The following SLC15A1 variants were observed in gnomAD, a reference collection of about 807,000 sequenced individuals.
SLC15A1 encodes the protein solute carrier family 15 member 1.
Under a neutral mutation model 92.9 loss-of-function variants are expected in SLC15A1, and 83 were observed. The ratio of observed to expected loss-of-function variants is 0.89; its 90% confidence interval spans 0.75 to 1.07. SLC15A1 has a LOEUF of 1.07. SLC15A1 is among the 50% of genes least tolerant of loss of function. The probability of loss-of-function intolerance (pLI) is 0.00; values close to 1 mark genes in which losing one functional copy is unlikely to be tolerated. For synonymous variants in SLC15A1, 322 were observed against 318.2 expected, an observed-to-expected ratio of 1.01 and a Z score of -0.13; for missense variants, 857 against 880.1, an observed-to-expected ratio of 0.97 and a Z score of 0.33.
intron 18 of SLC15A1, among the ~76,000 whole-genome samples, chr13:98,691,507 C>T (rs1302556984): frequency 6.6e-6 from 1 of 152,198 alleles, no homozygotes; most frequent in Non-Finnish European, 1.5e-5. Flanking sequence ...TGGGTGACAC[C>T]TCACATGTCA....
chr13:98,706,571 C>G (rs563297770), intron 15 of SLC15A1, among the ~76,000 whole-genome samples: 1 of 152,214 alleles, frequency 6.6e-6, no homozygotes, highest in South Asian at 2.1e-4. Flanking sequence ...TTCCCCCGTA[C>G]TGTTCTTGTG....
intron 2 of SLC15A1, 181 bp downstream of exon 2, chr13:98,726,662 T>C: frequency 1.3e-6 from 1 of 747,578 alleles, no homozygotes; most frequent in Non-Finnish European, 2.3e-6. Flanking sequence ...GTGGTATTGT[T>C]AGTCTGAGGA....
chr13:98,737,291 A>T (rs9584924), intron 1 of SLC15A1, among the ~76,000 whole-genome samples: 7,613 of 152,226 alleles, frequency 0.05, 222 homozygotes, highest in African/African-American at 0.059. Context: ...GGAATTGAAC[A>T]ATGAGAACAC....
intron 6 of SLC15A1, 99 bp from the exon 7 acceptor site, chr13:98,721,684 T>C (rs2088259632): frequency 1.6e-6 from 2 of 1,286,994 alleles, no homozygotes; most frequent in African/African-American, 3.0e-5. Flanking sequence ...TTTTGGTTGG[T>C]ATCTTACTTT....
At position 98,687,435 on chromosome 13, in the gene SLC15A1, T is replaced by C. The variant is rs1004644840; in HGVS notation, c.1827+146A>G. On this transcript the variant is annotated intron_variant, in intron 21 of 22. Coordinates refer to ENST00000376503, the MANE Select transcript of SLC15A1 (RefSeq NM_005073.4). The stretch of plus-strand genomic sequence containing the variant: ...TCACTAAGGACAACACTTGGTGACC[T>C]CAGAGACCTTGCTGTAGGGAAGATA... 22 of 940,676 alleles carry C rather than the reference T, an allele frequency of 2.3e-5. No individual in the cohort carries two copies. The African/African-American group carries it at 3.6e-4, about 16-fold the overall frequency. 58.3% of individuals were successfully genotyped at this position (940,676 alleles called of 1,614,324 possible).
intron 1 of SLC15A1, among the ~76,000 whole-genome samples, chr13:98,740,109 A>G (rs1422132476): frequency 1.3e-5 from 2 of 152,228 alleles, no homozygotes. Flanking sequence ...AATACAAGCC[A>G]TCATGACAAG....
intron 1 of SLC15A1, among the ~76,000 whole-genome samples, chr13:98,741,764 A>G (rs1402863038): frequency 1.3e-5 from 2 of 150,586 alleles, no homozygotes; most frequent in African/African-American, 4.9e-5. Flanking sequence ...TTCCACGGCT[A>G]CTTTCTTCCC....
At chr13:98,721,315 C>A in intron 7 of SLC15A1, 180 bp downstream of exon 7, 3 of 707,198 alleles carry the variant, frequency 4.2e-6, no homozygotes, top group Non-Finnish European at 7.9e-6. Context: ...TTAAATAAGA[C>A]AAAAAGGAGG....
chr13:98,706,860 G>A (rs1313435746), intron 15 of SLC15A1, among the ~76,000 whole-genome samples: 3 of 152,092 alleles, frequency 2.0e-5, no homozygotes, highest in African/African-American at 7.2e-5. Flanking sequence ...CCACTTCCAG[G>A]TCAAGGGCTG....
chr13:98,696,185 G>A (rs111836703), intron 18 of SLC15A1, among the ~76,000 whole-genome samples: 6,962 of 151,734 alleles, frequency 0.046, 294 homozygotes, highest in African/African-American at 0.11. Context: ...AGGCTGAGGT[G>A]GGCGGATCAC....
At chr13:98,713,382 A>G (rs1488953297) in intron 9 of SLC15A1, among the ~76,000 whole-genome samples, 1 of 152,158 alleles carries the variant, frequency 6.6e-6, no homozygotes, top group Non-Finnish European at 1.5e-5. Flanking sequence ...TGGATGCTAG[A>G]TTTTTATTAG....
rs753008578 is a variant in SLC15A1 at position 98,726,878 on chromosome 13, C to CCCAATATT, written c.5-27_5-20dup. ...GACATTCCTAAAAGAAAAACAGAAT[C>CCCAATATT]CCAATATTAAAGTCAAGCCATTACA... On this transcript the variant is annotated intron_variant, in intron 1 of 22. Transcript: ENST00000376503. The CCCAATATT allele has an allele frequency of 6.2e-7, 1 of 1,612,880 alleles. No individual in the cohort carries two copies. Among genetic ancestry groups the CCCAATATT allele is most frequent in the Non-Finnish European group, 8.5e-7 (1 of 1,178,868 alleles).
rs2088111813 is a variant in SLC15A1 at position 98,706,203 on chromosome 13, C to T, written c.1200G>A (p.Leu400=). Residue 400 remains leucine, a synonymous_variant, in exon 16 of 23, where the codon TTG becomes TTA. Transcript: ENST00000376503. ...TATTCATGGTATTGTTTCCTATATT[C>T]AAAACTTTAATTTGGACTTCGTTTC... is the stretch of plus-strand genomic sequence containing the variant. ...PKGNEVQIKV[L]NIGNNTMNIS... 1 of 1,613,474 alleles carries T rather than the reference C, an allele frequency of 6.2e-7. No homozygotes were observed. The highest frequency in any genetic ancestry group is 1.3e-5 in the African/African-American group (1 of 74,874).
intron 8 of SLC15A1, among the ~76,000 whole-genome samples, chr13:98,717,172 A>G (rs2088217106): frequency 6.6e-6 from 1 of 152,190 alleles, no homozygotes; most frequent in Non-Finnish European, 1.5e-5. Flanking sequence ...TTTCTCAATT[A>G]AGAGGGTCTG....
intron 1 of SLC15A1, among the ~76,000 whole-genome samples, chr13:98,742,602 C>T (rs2088457630): frequency 6.7e-6 from 1 of 149,788 alleles, no homozygotes; most frequent in Admixed American, 6.6e-5. Flanking sequence ...AGGGTTGGGT[C>T]CTTCAGAGGA....
intron 1 of SLC15A1, among the ~76,000 whole-genome samples, chr13:98,737,792 G>A (rs113015658): frequency 2.0e-5 from 3 of 152,332 alleles, no homozygotes; most frequent in African/African-American, 7.2e-5. Flanking sequence ...ATGTAGAAGA[G>A]CTTTGGAACG....
rs759819495 is a variant in SLC15A1, at chr13:98,721,560, G to GA, written c.490dup (p.Ser164PhefsTer8). ...AGCATTAATAGCCAAGTAAAAGATG[G>GA]AAAAAAATCTGTTTCTTTGTTTCTC... On this transcript the variant is annotated frameshift_variant, in exon 7 of 23. Coordinates refer to ENST00000376503, the MANE Select transcript of SLC15A1 (RefSeq NM_005073.4). LOFTEE classifies it high-confidence loss of function. 11 of 1,601,224 alleles carry GA rather than the reference G, an allele frequency of 6.9e-6. No individual in the cohort carries two copies. In the East Asian group the frequency reaches 1.1e-4, roughly 16 times the overall value.
At chr13:98,711,340 G>A (rs148868122) in intron 11 of SLC15A1, among the ~76,000 whole-genome samples, 1 of 152,314 alleles carries the variant, frequency 6.6e-6, no homozygotes, top group East Asian at 1.9e-4. Context: ...TAGGGCTGTG[G>A]TAGAAAGAGA....
intron 11 of SLC15A1, among the ~76,000 whole-genome samples, chr13:98,711,170 AT>A (rs1289073186): frequency 1.2e-4 from 18 of 152,132 alleles, no homozygotes; most frequent in Non-Finnish European, 1.9e-4. Context: ...GTTCATATAT[AT>A]TTTTTTAACT....
Sources: allele counts gnomAD v4.1 joint callset (sites outside exome capture counted in the v4.1 genomes callset), GRCh38; gene constraint gnomAD v4.1.1; transcripts MANE v1.5; gene names NCBI Gene and HGNC (gene_info 2026-07-23, HGNC 2026-07-21).